Variants in SLC60A2 observed in about 807,000 individuals in gnomAD.
SLC60A2 encodes major facilitator superfamily domain containing 4B.
chr6:111,266,250 CTTCT>C, the SLC60A2 span: 2 of 1,614,188 alleles, frequency 1.2e-6, no homozygotes, highest in South Asian at 1.1e-5. Flanking sequence ...TCACAACGCC[CTTCT>C]TTGTCTCCTT....
the SLC60A2 span, among the ~76,000 whole-genome samples, chr6:111,260,303 C>G: frequency 1.3e-5 from 2 of 152,228 alleles, no homozygotes; most frequent in African/African-American, 4.8e-5. Flanking sequence ...CCCACCCACT[C>G]AACCCCCAAA....
chr6:111,265,172 C>G, the SLC60A2 span: 3 of 548,796 alleles, frequency 5.5e-6, no homozygotes, highest in Non-Finnish European at 4.6e-6. Context: ...TTTGCTGTTA[C>G]GTGATCTGTT....
At chr6:111,277,002 AT>A in the SLC60A2 span, among the ~76,000 whole-genome samples, 1 of 151,992 alleles carries the variant, frequency 6.6e-6, no homozygotes, top group African/African-American at 2.4e-5. Context: ...CATTGCCCTT[AT>A]TGGGCCTTGC....
At chr6:111,267,368 A>G in the SLC60A2 span, 4 of 381,054 alleles carry the variant, frequency 1.0e-5, no homozygotes, top group Non-Finnish European at 1.9e-5. Context: ...CTGATTAGGA[A>G]ATATTTTATG....
chr6:111,268,906 CAGGTGATCCTTTGAAAAA>C, the SLC60A2 span: 5 of 152,298 alleles, frequency 3.3e-5, no homozygotes, highest in East Asian at 9.6e-4. Context: ...AGAATTGGTG[CAGGTGATCCTTTGAAAAA>C]TGACAAGAAT....
At chr6:111,262,065 T>C in the SLC60A2 span, among the ~76,000 whole-genome samples, 1 of 151,566 alleles carries the variant, frequency 6.6e-6, no homozygotes, top group Non-Finnish European at 1.5e-5. Context: ...TTTTAAAAAC[T>C]GAGAGGTGTC....
chr6:111,274,298 TTATC>T, the SLC60A2 span, among the ~76,000 whole-genome samples: 1 of 152,240 alleles, frequency 6.6e-6, no homozygotes, highest in East Asian at 1.9e-4. Context: ...ATAGTCTATT[TTATC>T]TAAGCATAGC....
the SLC60A2 span, chr6:111,265,153 C>T: frequency 5.4e-6 from 2 of 372,014 alleles, no homozygotes; most frequent in Non-Finnish European, 7.4e-6. Flanking sequence ...CTACCCCTCC[C>T]TTCCCTGCTT....
the SLC60A2 span, chr6:111,266,486 A>T: frequency 6.2e-7 from 1 of 1,614,014 alleles, no homozygotes; most frequent in African/African-American, 1.3e-5. Flanking sequence ...GCCTGACTTC[A>T]TCTTTATTTC....
chr6:111,269,784 A>G, the SLC60A2 span: 24 of 152,324 alleles, frequency 1.6e-4, no homozygotes, highest in African/African-American at 5.8e-4. Flanking sequence ...TCGTCATGAG[A>G]TCATAGGGCA....
At chr6:111,266,810 A>G in the SLC60A2 span, 5 of 1,613,834 alleles carry the variant, frequency 3.1e-6, no homozygotes, top group Non-Finnish European at 4.2e-6. Flanking sequence ...ATCGCCAGCG[A>G]AAAGAAGACA....
At chr6:111,260,638 G>C in the SLC60A2 span, among the ~76,000 whole-genome samples, 2 of 152,156 alleles carry the variant, frequency 1.3e-5, no homozygotes, top group Admixed American at 1.3e-4. Context: ...TTATGATCCT[G>C]GGGGAGTTGA....
the SLC60A2 span, chr6:111,259,359 C>T: frequency 9.1e-6 from 3 of 329,696 alleles, no homozygotes; most frequent in East Asian, 4.7e-5. Context: ...CGTCTTTTGC[C>T]ACGAACACCT....
chr6:111,266,303 A>G, the SLC60A2 span: 3 of 1,614,162 alleles, frequency 1.9e-6, no homozygotes, highest in Non-Finnish European at 2.5e-6. Flanking sequence ...CTGAGGTAAC[A>G]TATGGCTCTT....
At chr6:111,266,064 G>T in the SLC60A2 span, 1 of 1,614,108 alleles carries the variant, frequency 6.2e-7, no homozygotes, top group Non-Finnish European at 8.5e-7. Flanking sequence ...ATCATCTGAT[G>T]CTGACTCAGA....
the SLC60A2 span, among the ~76,000 whole-genome samples, chr6:111,264,711 C>G: frequency 6.6e-6 from 1 of 151,628 alleles, no homozygotes; most frequent in Non-Finnish European, 1.5e-5. Flanking sequence ...TGGCATGAAC[C>G]CAGGAGGCGG....
chr6:111,277,477 G>T, the SLC60A2 span, among the ~76,000 whole-genome samples: 1 of 152,156 alleles, frequency 6.6e-6, no homozygotes, highest in Non-Finnish European at 1.5e-5. Context: ...CCAAATTCAT[G>T]CATTTCAGTT....
the SLC60A2 span, among the ~76,000 whole-genome samples, chr6:111,264,799 A>G: frequency 6.6e-6 from 1 of 151,644 alleles, no homozygotes; most frequent in Middle Eastern, 3.2e-3. Flanking sequence ...AAAAAAAAAA[A>G]AAAACCTACT....
the SLC60A2 span, among the ~76,000 whole-genome samples, chr6:111,271,775 TAAAAAAAAAAAAAAAAAAAA>T: frequency 1.1e-4 from 2 of 18,836 alleles, no homozygotes; most frequent in Non-Finnish European, 1.9e-4. Flanking sequence ...CCATCTCTAC[TAAAAAAAAAAAAAAAAAAAA>T]AAAAAAAAAA....
Sources: allele counts gnomAD v4.1 joint callset (sites outside exome capture counted in the v4.1 genomes callset), GRCh38; gene constraint gnomAD v4.1.1; transcripts MANE v1.5; gene names NCBI Gene and HGNC (gene_info 2026-07-23, HGNC 2026-07-21).